AFG1L: variants seen among roughly 807,000 people sequenced by gnomAD.
The protein encoded by AFG1L is AFG1 like ATPase, also known as AFG1-like ATPase.
In AFG1L, 53 loss-of-function variants were observed where a neutral mutation model predicts 62.2. The ratio of observed to expected loss-of-function variants is 0.85; its 90% CI spans 0.68 to 1.07. The LOEUF is 1.07. Among genes scored for constraint, AFG1L ranks in the 50% least tolerant of loss-of-function variants. The probability of loss-of-function intolerance (pLI) is 0.00; values close to 1 mark genes in which losing one functional copy is unlikely to be tolerated. For missense variants in AFG1L, 555 were observed against 590.5 expected, an observed-to-expected ratio of 0.94 and a Z score of 0.62; for synonymous variants, 228 against 210.3, an observed-to-expected ratio of 1.08 and a Z score of -0.73.
At chr6:108,504,939 A>G (rs1774340171) in intron 10 of AFG1L, among the ~76,000 whole-genome samples, 1 of 152,148 alleles carries the variant, frequency 6.6e-6, no homozygotes, top group Admixed American at 6.5e-5. Flanking sequence ...ACTTTGGATA[A>G]GGTCCTGAGT....
chr6:108,404,787 G>A (rs1390762278), intron 7 of AFG1L, among the ~76,000 whole-genome samples: 3 of 151,938 alleles, frequency 2.0e-5, no homozygotes, highest in African/African-American at 7.3e-5. Flanking sequence ...GAGTGCAGTC[G>A]TACAATATTG....
At chr6:108,509,135 G>C (rs923315475) in intron 10 of AFG1L, among the ~76,000 whole-genome samples, 33 of 152,214 alleles carry the variant, frequency 2.2e-4, no homozygotes, top group African/African-American at 8.0e-4. Flanking sequence ...TTTCCTGGGA[G>C]TGTTCCTAAC....
At chr6:108,438,762 C>T (rs982723354) in intron 7 of AFG1L, among the ~76,000 whole-genome samples, 2 of 152,058 alleles carry the variant, frequency 1.3e-5, no homozygotes, top group Non-Finnish European at 2.9e-5. Flanking sequence ...AATTCTGAAA[C>T]TGCTTGATAA....
intron 1 of AFG1L, among the ~76,000 whole-genome samples, chr6:108,303,781 T>C (rs1215346486): frequency 6.6e-6 from 1 of 152,230 alleles, no homozygotes; most frequent in Non-Finnish European, 1.5e-5. Flanking sequence ...TTCTCATTTA[T>C]ATATGTGTGT....
intron 8 of AFG1L, among the ~76,000 whole-genome samples, chr6:108,472,951 C>T (rs1277097195): frequency 1.3e-5 from 2 of 151,858 alleles, no homozygotes; most frequent in Non-Finnish European, 2.9e-5. Flanking sequence ...CACAGGCACG[C>T]ACCACCATGC....
chr6:108,453,924 A>C (rs1772156136), intron 8 of AFG1L, among the ~76,000 whole-genome samples: 1 of 152,198 alleles, frequency 6.6e-6, no homozygotes, highest in Admixed American at 6.5e-5. Context: ...CCCACTGAAG[A>C]ACCTCTGAAA....
chr6:108,416,721 C>T (rs1162823568), intron 7 of AFG1L, among the ~76,000 whole-genome samples: 2 of 152,138 alleles, frequency 1.3e-5, no homozygotes, highest in African/African-American at 2.4e-5. Flanking sequence ...GGGAATTGAA[C>T]AATGCAAACA....
chr6:108,417,233 TAA>T (rs1461323023), intron 7 of AFG1L, among the ~76,000 whole-genome samples: 1 of 92,186 alleles, frequency 1.1e-5, no homozygotes, highest in African/African-American at 4.1e-5. Flanking sequence ...GACATTGTCT[TAA>T]ACACACACAC....
chr6:108,441,593 A>G (rs1490461297), intron 7 of AFG1L, among the ~76,000 whole-genome samples: 1 of 151,938 alleles, frequency 6.6e-6, no homozygotes, highest in Non-Finnish European at 1.5e-5. Context: ...TCTTTTGACT[A>G]GATTCACTGT....
intron 7 of AFG1L, among the ~76,000 whole-genome samples, chr6:108,410,366 A>G (rs971188149): frequency 3.3e-5 from 5 of 152,202 alleles, no homozygotes; most frequent in African/African-American, 1.2e-4. Flanking sequence ...GAAGGATTAT[A>G]AAAAGAATCT....
intron 6 of AFG1L, among the ~76,000 whole-genome samples, chr6:108,396,164 C>T (rs1356023094): frequency 6.6e-6 from 1 of 151,810 alleles, no homozygotes; most frequent in Non-Finnish European, 1.5e-5. Context: ...CAGGCATGAG[C>T]CACCATGCAC....
At chr6:108,331,825 AG>A (rs1351736214) in intron 2 of AFG1L, among the ~76,000 whole-genome samples, 1 of 152,214 alleles carries the variant, frequency 6.6e-6, no homozygotes, top group African/African-American at 2.4e-5. Context: ...TCCATTAATC[AG>A]GGGTCTATAG....
chr6:108,314,232 A>G (rs971670205), intron 1 of AFG1L, among the ~76,000 whole-genome samples: 3 of 152,008 alleles, frequency 2.0e-5, no homozygotes, highest in Non-Finnish European at 4.4e-5. Context: ...ACTCTATCTC[A>G]AAAAAAGAAA....
chr6:108,333,513 G>A (rs993824975), intron 2 of AFG1L, among the ~76,000 whole-genome samples: 6 of 152,216 alleles, frequency 3.9e-5, no homozygotes, highest in African/African-American at 1.4e-4. Context: ...GAGGCTGAGG[G>A]TTGGGAGGAT....
intron 6 of AFG1L, among the ~76,000 whole-genome samples, chr6:108,401,591 TA>T (rs1781618740): frequency 6.6e-6 from 1 of 152,170 alleles, no homozygotes; most frequent in Non-Finnish European, 1.5e-5. Flanking sequence ...AGTTCTTTAC[TA>T]AGAATTTTCA....
intron 1 of AFG1L, among the ~76,000 whole-genome samples, chr6:108,307,504 A>G (rs1777248333): frequency 1.3e-5 from 2 of 149,316 alleles, no homozygotes; most frequent in Non-Finnish European, 3.0e-5. Context: ...TAAACCTCCC[A>G]GGTCCAAGTA....
At chr6:108,446,710 C>T (rs1184006414) in intron 7 of AFG1L, among the ~76,000 whole-genome samples, 1 of 150,970 alleles carries the variant, frequency 6.6e-6, no homozygotes, top group Non-Finnish European at 1.5e-5. Flanking sequence ...TGCTATGTTG[C>T]TCAGGCTGGT....
chr6:108,392,806 A>C (rs1781114365), intron 6 of AFG1L, among the ~76,000 whole-genome samples: 1 of 152,142 alleles, frequency 6.6e-6, no homozygotes, highest in Admixed American at 6.5e-5. Context: ...ATTTATAGGA[A>C]ACCTCCTTTA....
chr6:108,413,348 GA>G (rs199889261), intron 7 of AFG1L, among the ~76,000 whole-genome samples: 7,195 of 152,172 alleles, frequency 0.047, 262 homozygotes, highest in South Asian at 0.18. Flanking sequence ...GTCAACATTA[GA>G]CAGATCAACA....
Sources: gnomAD v4.1 joint callset for allele counts (sites outside exome capture counted in the v4.1 genomes callset) on GRCh38, gnomAD v4.1.1 for gene constraint, MANE v1.5 for transcripts, NCBI Gene and HGNC (gene_info 2026-07-23, HGNC 2026-07-21) for gene names.